The following PTPRS variants were observed in gnomAD, a reference collection of about 807,000 sequenced individuals.
PTPRS encodes protein tyrosine phosphatase receptor type S.
A neutral mutation model predicts 215.3 loss-of-function variants in PTPRS; 63 were observed. That is an observed-to-expected ratio of 0.29 (90% CI 0.24 to 0.36). The LOEUF is 0.36. Among genes scored for constraint, PTPRS ranks in the 10% least tolerant of loss-of-function variants. The probability of loss-of-function intolerance (pLI) is 1.00; values close to 1 mark genes in which losing one functional copy is unlikely to be tolerated. For synonymous variants in PTPRS, 1,404 were observed against 1,191.4 expected (o/e 1.18, Z -3.68); for missense variants, 2,258 against 2,825.8 (o/e 0.80, Z 4.56).
At chr19:5,230,646 G>A (rs1183855409) in intron 14 of PTPRS, among the ~76,000 whole-genome samples, 3 of 152,082 alleles carry the variant, frequency 2.0e-5, no homozygotes, top group Admixed American at 6.5e-5. Flanking sequence ...GTTTTTGGAG[G>A]AATGGGGTCT....
intron 13 of PTPRS, among the ~76,000 whole-genome samples, chr19:5,236,873 C>G (rs2043498120): frequency 7.1e-6 from 1 of 140,916 alleles, no homozygotes; most frequent in Non-Finnish European, 1.5e-5. Flanking sequence ...AAACAACAAT[C>G]AAGGAATGTG....
rs139082822 is a variant in PTPRS at position 5,244,151 on chromosome 19, C to T, written c.1320G>A (p.Ala440=). ...CCTCCCACTGCACAATCATGGTGGT[C>T]GCGCTGAGCATCCGGGCTTGCACGT... ...PRNVQARMLS[A]TTMIVQWEEP... Residue 440 remains alanine, a synonymous_variant, in exon 11 of 38, where the codon GCG becomes GCA. Coordinates refer to ENST00000262963, the MANE Select transcript of PTPRS (RefSeq NM_002850.4). The surrounding 1 kb of genome is among the most constrained non-coding windows in gnomAD (Gnocchi z 7.2). The T allele has an allele frequency of 1.7e-5, 27 of 1,601,646 alleles. No homozygotes were observed. Among genetic ancestry groups the T allele is most frequent in the East Asian group, 4.5e-5 (2 of 44,762 alleles).
At chr19:5,261,534 AGTTTTG>A (rs2045989990) in intron 6 of PTPRS, among the ~76,000 whole-genome samples, 1 of 152,210 alleles carries the variant, frequency 6.6e-6, no homozygotes. Context: ...TCCAGGGAGA[AGTTTTG>A]GGCCCCCTTC....
chr19:5,259,309 A>G (rs1352232307), intron 7 of PTPRS, among the ~76,000 whole-genome samples: 1 of 152,208 alleles, frequency 6.6e-6, no homozygotes, highest in Non-Finnish European at 1.5e-5. Flanking sequence ...CTTTCCATGA[A>G]CCTATAAAAA....
rs938401884 is a variant in PTPRS, at chr19:5,206,668, G to A, written c.*106C>T. The A allele has an allele frequency of 2.2e-5, 21 of 934,762 alleles. No individual in the cohort carries two copies. Among genetic ancestry groups the A allele is most frequent in the Non-Finnish European group, 3.2e-5 (19 of 594,026 alleles). The allele number at this position is 934,762 out of a possible 1,614,324, so 57.9% of individuals were successfully genotyped here. On this transcript the variant is annotated 3_prime_UTR_variant, in exon 38 of 38. Transcript: ENST00000262963. The stretch of plus-strand genomic sequence containing the variant: ...GTGCAGAAACACAGCTGCTGCCGCT[G>A]CCACCTCCTGCCCTGCCCACTGGGG...
chr19:5,304,341 G>A (rs747127618), intron 1 of PTPRS, among the ~76,000 whole-genome samples: 3 of 152,048 alleles, frequency 2.0e-5, no homozygotes, highest in African/African-American at 7.2e-5. Flanking sequence ...ATAGCCAGGC[G>A]TGGTGGCATA....
chr19:5,227,578 T>A (rs984793899), intron 16 of PTPRS, among the ~76,000 whole-genome samples: 5 of 151,820 alleles, frequency 3.3e-5, no homozygotes, highest in Middle Eastern at 3.4e-3. Flanking sequence ...CCACGCCTGG[T>A]TTTGTATTTT....
Position 5,215,282 on chromosome 19 carries a change from G to T in PTPRS, c.4318+7C>A. On this transcript the variant is annotated splice_region_variant and intron_variant, in intron 28 of 37. Transcript: ENST00000262963. ...GGGCAGGTTAAGACCCGGGATCTCC[G>T]AACTACCTTCAATGGGCTGGAGGAT... The T allele has an allele frequency of 6.2e-7, 1 of 1,613,436 alleles. No individual in the cohort carries two copies. Among genetic ancestry groups the T allele is most frequent in the Non-Finnish European group, 8.5e-7 (1 of 1,179,458 alleles).
chr19:5,218,633 G>A, intron 24 of PTPRS, 101 bp from the exon 25 acceptor site: 2 of 1,504,570 alleles, frequency 1.3e-6, no homozygotes, highest in Non-Finnish European at 1.9e-6. Context: ...AAGGACCATG[G>A]ACCCGTATGA....
rs35986633 is a variant in PTPRS at position 5,246,884 on chromosome 19, T to TGAGAGA, written c.719-845_719-840dup. 1.3e-3 allele frequency among the ~76,000 whole-genome samples: 191 copies of TGAGAGA among 146,954 alleles called. 1 individual carries two copies. The highest frequency in any genetic ancestry group is 4.5e-3 in the African/African-American group (178 of 39,904). On this transcript the variant is annotated intron_variant, in intron 9 of 37. Transcript: ENST00000262963. ...GTCACAAACATCATGCAAAATAGATTGAGAGAGAGAGAGAGAGAGAAAGAG... is the reference window on the plus strand; with the variant it reads ...GTCACAAACATCATGCAAAATAGATTGAGAGAGAGAGAGAGAGAGAGAGAGAAAGAG...
chr19:5,281,604 T>C (rs2047854518), intron 2 of PTPRS, among the ~76,000 whole-genome samples: 1 of 152,186 alleles, frequency 6.6e-6, no homozygotes, highest in Admixed American at 6.5e-5. Flanking sequence ...GATGTTTTGC[T>C]CCACATTGAG....
At chr19:5,318,209 C>T (rs1331647082) in intron 1 of PTPRS, among the ~76,000 whole-genome samples, 3 of 151,678 alleles carry the variant, frequency 2.0e-5, no homozygotes, top group African/African-American at 4.8e-5. Context: ...AGTGTGGTGG[C>T]GCTTGCCTGT....
chr19:5,267,670 A>G (rs1022480074), intron 4 of PTPRS, among the ~76,000 whole-genome samples: 4 of 144,074 alleles, frequency 2.8e-5, no homozygotes, highest in African/African-American at 1.0e-4. Flanking sequence ...AAAAAAAAAA[A>G]GAGATTAGGA....
chr19:5,269,984 G>A (rs1035307143), intron 4 of PTPRS, among the ~76,000 whole-genome samples: 8 of 150,232 alleles, frequency 5.3e-5, no homozygotes, highest in Non-Finnish European at 8.9e-5. Flanking sequence ...CCCAGACTCC[G>A]GGGGACCGGG....
intron 9 of PTPRS, among the ~76,000 whole-genome samples, chr19:5,251,876 A>C (rs767833889): frequency 1.1e-4 from 16 of 152,190 alleles, no homozygotes; most frequent in Non-Finnish European, 1.8e-4. Context: ...AGTAAGCACA[A>C]ACTAGGGAGC....
chr19:5,224,627 T>C (rs1307351883), intron 17 of PTPRS, among the ~76,000 whole-genome samples: 2 of 152,196 alleles, frequency 1.3e-5, no homozygotes, highest in Non-Finnish European at 2.9e-5. Context: ...TGGACTGCTA[T>C]GAATACCCAG....
chr19:5,301,836 A>G (rs886169218), intron 1 of PTPRS, among the ~76,000 whole-genome samples: 12 of 152,040 alleles, frequency 7.9e-5, no homozygotes, highest in African/African-American at 2.2e-4. Flanking sequence ...GCTGGAGTGT[A>G]GCGCGGCAAT....
chr19:5,278,715 T>A (rs930372229), intron 2 of PTPRS, among the ~76,000 whole-genome samples: 1 of 151,848 alleles, frequency 6.6e-6, no homozygotes, highest in Admixed American at 6.6e-5. Flanking sequence ...CCTCAGGTGA[T>A]CCAACCACCT....
intron 18 of PTPRS, among the ~76,000 whole-genome samples, 181 bp from the exon 19 acceptor site, chr19:5,222,401 C>T (rs554567353): frequency 6.6e-6 from 1 of 151,592 alleles, no homozygotes; most frequent in East Asian, 2.0e-4. Flanking sequence ...TGTCCCAAGT[C>T]CCTGCTTCGG....
Sources: gnomAD v4.1 joint callset for allele counts (sites outside exome capture counted in the v4.1 genomes callset) on GRCh38, gnomAD v4.1.1 for gene constraint, Gnocchi (gnomAD v3.1) non-coding constraint, MANE v1.5 for transcripts, NCBI Gene and HGNC (gene_info 2026-07-23, HGNC 2026-07-21) for gene names.